The following LAMA3 variants were observed in gnomAD, a reference collection of about 807,000 sequenced individuals.
LAMA3 encodes the protein laminin subunit alpha 3.
A neutral mutation model predicts 402.0 loss-of-function variants in LAMA3; 281 were observed. The observed-to-expected ratio is 0.70, with a 90% CI of 0.63 to 0.77. The LOEUF (loss-of-function observed/expected upper bound fraction) is 0.77. LAMA3 is among the 30% of genes least tolerant of loss of function. LAMA3 has a pLI of 0.00. For synonymous variants in LAMA3, 1,431 were observed against 1,558.4 expected (o/e 0.92, Z 1.93); for missense variants, 3,840 against 4,215.5 (o/e 0.91, Z 2.47).
At chr18:23,938,318 G>T (rs2082374772) in intron 67 of LAMA3, among the ~76,000 whole-genome samples, 1 of 152,204 alleles carries the variant, frequency 6.6e-6, no homozygotes, top group African/African-American at 2.4e-5. Flanking sequence ...TGAGCTCTGA[G>T]CGCCTGGGAA....
At position 23,808,115 on chromosome 18, in the gene LAMA3, T is replaced by C. The variant is rs115909313; in HGVS notation, c.1604-2251T>C. 2.5e-3 allele frequency among the ~76,000 whole-genome samples: 376 copies of C among 152,228 alleles called. 1 individual carries two copies. The highest frequency in any genetic ancestry group is 8.7e-3 in the African/African-American group (361 of 41,534). Reference sequence around the variant, plus strand: ...TCATTCTCTAGTCTTTGTTCTGGATTTTTAGATCTTAGAGATCAGGGAATA... The same window carrying C: ...TCATTCTCTAGTCTTTGTTCTGGATCTTTAGATCTTAGAGATCAGGGAATA... On this transcript the variant is annotated intron_variant, in intron 12 of 74. Coordinates refer to ENST00000313654, the MANE Select transcript of LAMA3 (RefSeq NM_198129.4).
chr18:23,933,716 C>A, intron 66 of LAMA3, 66 bp from the exon 67 acceptor site: 1 of 1,566,162 alleles, frequency 6.4e-7, no homozygotes, highest in Non-Finnish European at 8.8e-7. Context: ...TGAGCTCTCT[C>A]TACCAGAGGG....
At chr18:23,820,361 C>A (rs866570575) in intron 19 of LAMA3, among the ~76,000 whole-genome samples, 9 of 152,092 alleles carry the variant, frequency 5.9e-5, no homozygotes, top group African/African-American at 1.7e-4. Flanking sequence ...TCTTTAAAGC[C>A]ATTTGTGGAA....
Position 23,864,868 on chromosome 18 carries a change from G to T in LAMA3, c.4668G>T (p.Pro1556=), listed in dbSNP as rs200532263. Residue 1556 remains proline (P), a synonymous_variant, in exon 36 of 75, where the codon CCG becomes CCT. Coordinates refer to ENST00000313654, the MANE Select transcript of LAMA3 (RefSeq NM_198129.4). ...ACATGGTTCTTCTGGAAAAGAAGCC[G>T]GATGTACAGCTCACTGTAGGTATCA... The part of the protein sequence containing the change: ...PGDMVLLEKK[P]DVQLTGQHMS... 2 of 1,611,772 alleles carry T rather than the reference G, an allele frequency of 1.2e-6. No individual in the cohort carries two copies. The highest frequency in any genetic ancestry group is 2.7e-5 in the African/African-American group (2 of 74,866).
At chr18:23,714,105 G>A (rs761818826) in intron 2 of LAMA3, 33 bp downstream of exon 2, 4 of 1,594,872 alleles carry the variant, frequency 2.5e-6, no homozygotes, top group Middle Eastern at 1.7e-4. Context: ...ATGGGAACAT[G>A]AGCTTAGATC....
In LAMA3 at chr18:23,861,678, A is replaced by G. The variant is rs2144741339; in HGVS notation, c.4455A>G (p.Thr1485=). Residue 1485 remains threonine, a synonymous_variant, in exon 35 of 75, where the codon ACA becomes ACG. Transcript: ENST00000313654. ...ATATGCTGGGCTGGCACCTGGAGAC[A>G]GCAGACAGAGTGGACATCCCTGTCT... ...FVDMLGWHLE[T]ADRVDIPVSF... is the part of the protein sequence containing the mutation. 2 of 1,614,212 alleles carry G rather than the reference A, an allele frequency of 1.2e-6. No homozygotes were observed. The highest frequency in any genetic ancestry group is 1.7e-6 in the Non-Finnish European group (2 of 1,180,044).
intron 2 of LAMA3, 52 bp from the exon 3 acceptor site, chr18:23,747,891 G>A: frequency 2.0e-6 from 2 of 1,017,628 alleles, no homozygotes; most frequent in Non-Finnish European, 1.6e-6. Context: ...GATGGTAGAA[G>A]CTGTGAATCG....
intron 59 of LAMA3, 37 bp downstream of exon 59, chr18:23,915,459 G>A: frequency 6.3e-7 from 1 of 1,596,896 alleles, no homozygotes; most frequent in Non-Finnish European, 8.6e-7. Context: ...TCTGTAACTG[G>A]AGTTTTGGTA....
intron 1 of LAMA3, among the ~76,000 whole-genome samples, chr18:23,698,403 C>A (rs1020624166): frequency 1.3e-5 from 2 of 152,096 alleles, no homozygotes; most frequent in African/African-American, 4.8e-5. Flanking sequence ...GACGGGGTTT[C>A]ACCGTGTTAG....
chr18:23,724,013 C>T (rs1045971620), intron 2 of LAMA3, among the ~76,000 whole-genome samples: 1 of 152,146 alleles, frequency 6.6e-6, no homozygotes. Context: ...AATTTGTAGA[C>T]TTTTATCCTT....
Position 23,932,295 on chromosome 18 carries a change from G to A in LAMA3, c.8708+4G>A, listed in dbSNP as rs200417639. ...TTAGCAATGTTTTTGTCCAGAGGTA[G>A]GTGATCCTCTCTTTGTGGGTAACTG... On this transcript the variant is annotated splice_donor_region_variant and intron_variant, in intron 66 of 74. Transcript: ENST00000313654. 1,476 of 1,613,600 alleles carry A rather than the reference G, an allele frequency of 9.1e-4. No homozygotes were observed. The highest frequency in any genetic ancestry group is 1.2e-3 in the Non-Finnish European group (1,370 of 1,179,710).
Position 23,763,503 on chromosome 18 carries a change from G to A in LAMA3, c.1162G>A (p.Gly388Arg). 1 of 1,608,000 alleles carries A rather than the reference G, an allele frequency of 6.2e-7. No individual in the cohort carries two copies. Among genetic ancestry groups the A allele is most frequent in the Non-Finnish European group, 8.5e-7 (1 of 1,174,478 alleles). Residue 388 changes from glycine (G) to arginine (R), a missense_variant, in exon 8 of 75, where the codon GGG (glycine) becomes AGG (arginine). Around this residue, in one of 3 missense-constraint regions of LAMA3, gnomAD observed 2,109 missense variants for 2,376.0 expected, o/e 0.89. Coordinates refer to ENST00000313654, the MANE Select transcript of LAMA3 (RefSeq NM_198129.4). ...TACCCAGGGCATCTATGCTGGTGGA[G>A]GGGTCTGCATTAACTGTCAGGTGAG... Reference protein sequence around the residue: ...LNTQGIYAGGGVCINCQHNTA... With the variant: ...LNTQGIYAGGRVCINCQHNTA...
At chr18:23,819,380 AT>A (rs1319517880) in intron 18 of LAMA3, among the ~76,000 whole-genome samples, 8 of 152,200 alleles carry the variant, frequency 5.3e-5, no homozygotes, top group African/African-American at 1.9e-4. Context: ...TAACTTGTAA[AT>A]TTAGCATATG....
At chr18:23,938,277 A>AC (rs1397490930) in intron 67 of LAMA3, among the ~76,000 whole-genome samples, 21 of 151,944 alleles carry the variant, frequency 1.4e-4, no homozygotes, top group Non-Finnish European at 2.9e-4. Context: ...GTGAATCCCT[A>AC]CCCTTTGCTT....
At chr18:23,734,736 C>T (rs953164599) in intron 2 of LAMA3, among the ~76,000 whole-genome samples, 7 of 152,202 alleles carry the variant, frequency 4.6e-5, no homozygotes, top group African/African-American at 1.7e-4. Context: ...TGTGCCTGTG[C>T]ACCAGGAGTT....
chr18:23,900,623 T>C (rs1461364351), intron 47 of LAMA3, among the ~76,000 whole-genome samples: 3 of 152,212 alleles, frequency 2.0e-5, no homozygotes, highest in Non-Finnish European at 2.9e-5. Flanking sequence ...CTGAGAAATA[T>C]TAGTTTAGTG....
chr18:23,827,442 T>A lies in LAMA3; in HGVS notation c.2798T>A (p.Val933Asp), dbSNP rs747984837. ...AVRQPTPAHPVMVDLSGREVE... is the reference protein window; with the variant it reads ...AVRQPTPAHPDMVDLSGREVE... ...AGGCAGCCCACACCTGCACACCCTGTCATGGTGGACCTCAGCGGGAGAGAG... is the reference window on the plus strand; with the variant it reads ...AGGCAGCCCACACCTGCACACCCTGACATGGTGGACCTCAGCGGGAGAGAG... The change falls in exon 23 of 75, where the codon GTC (valine) becomes GAC (aspartate). Residue 933 changes from valine to aspartate, a missense_variant. By Grantham distance (152) the Val-to-Asp change is radical. Transcript: ENST00000313654. 1 of 1,614,198 alleles carries A rather than the reference T, an allele frequency of 6.2e-7. No homozygotes were observed. The highest frequency in any genetic ancestry group is 1.1e-5 in the South Asian group (1 of 91,074).
At chr18:23,716,579 T>A (rs777000103) in intron 2 of LAMA3, among the ~76,000 whole-genome samples, 4 of 152,246 alleles carry the variant, frequency 2.6e-5, no homozygotes, top group Non-Finnish European at 5.9e-5. Flanking sequence ...AACTTTTTTT[T>A]TAAACCTACT....
chr18:23,941,332 C>CT (rs1172169242), intron 68 of LAMA3, among the ~76,000 whole-genome samples: 3 of 141,266 alleles, frequency 2.1e-5, no homozygotes, highest in East Asian at 2.2e-4. Context: ...TGGCGCCCCC[C>CT]CCCCGCCCGG....
Sources: gnomAD v4.1 joint callset for allele counts (sites outside exome capture counted in the v4.1 genomes callset) on GRCh38, gnomAD v4.1.1 for gene constraint, gnomAD v4.1.1 regional missense constraint, MANE v1.5 for transcripts, NCBI Gene and HGNC (gene_info 2026-07-23, HGNC 2026-07-21) for gene names.